The following SEMA4D variants were observed in gnomAD, a reference collection of about 807,000 sequenced individuals.
SEMA4D encodes semaphorin 4D, also known as semaphorin-4D.
In SEMA4D, 22 loss-of-function variants were observed where a neutral mutation model predicts 74.8. That is an observed-to-expected ratio of 0.29 (90% CI 0.21 to 0.42). SEMA4D has a LOEUF of 0.42. Ranked by LOEUF, SEMA4D falls within the 10% of genes least tolerant of loss-of-function variation. The pLI is 1.00. For missense variants in SEMA4D, 937 were observed against 1,118.4 expected (o/e 0.84, Z 2.31); for synonymous variants, 445 against 463.7 (o/e 0.96, Z 0.52).
At position 89,484,841 on chromosome 9, in the gene SEMA4D, G is replaced by A. The variant is rs1262911408; in HGVS notation, c.-310+13078C>T. Among the ~76,000 whole-genome samples the A allele has an allele frequency of 6.6e-6, 1 of 151,240 alleles. No individual in the cohort carries two copies. Among genetic ancestry groups the A allele is most frequent in the Non-Finnish European group, 1.5e-5 (1 of 67,740 alleles). On this transcript the variant is annotated intron_variant, in intron 1 of 15. Coordinates refer to ENST00000422704, the MANE Select transcript of SEMA4D (RefSeq NM_001371194.2). The surrounding 1 kb of genome is among the most constrained non-coding windows in gnomAD (Gnocchi z 4.1). ...GTGGTGTGTGGATGTATTGTGTGGT[G>A]TGTGTGTAATGTGTGTATACTGGGT...
In SEMA4D at chr9:89,381,165, G is replaced by A. The variant is rs1339342051; in HGVS notation, c.1619+9C>T. On this transcript the variant is annotated intron_variant, in intron 14 of 15. Coordinates refer to ENST00000422704, the MANE Select transcript of SEMA4D (RefSeq NM_001371194.2). The surrounding 1 kb of genome is among the most constrained non-coding windows in gnomAD (Gnocchi z 4.6). ...GGGACATCCCCAGGCAGCGCATCCC[G>A]CCCCATACCTGCTGGGGCTCTCGGT... is the stretch of plus-strand genomic sequence containing the variant. 6.8e-6 allele frequency: 11 copies of A among 1,613,846 alleles called. No homozygotes were observed. The highest frequency in any genetic ancestry group is 1.3e-5 in the African/African-American group (1 of 74,924).
At chr9:89,439,889 C>A (rs757696334) in intron 2 of SEMA4D, among the ~76,000 whole-genome samples, 13 of 152,230 alleles carry the variant, frequency 8.5e-5, no homozygotes, top group Admixed American at 1.3e-4. Flanking sequence ...CTCACCGCAT[C>A]TTAGTGTCAA....
chr9:89,425,529 A>C (rs1375735760), intron 2 of SEMA4D, among the ~76,000 whole-genome samples: 1 of 152,194 alleles, frequency 6.6e-6, no homozygotes. Flanking sequence ...TCCCATGTTC[A>C]TAGCTCCCTG....
downstream of SEMA4D, among the ~76,000 whole-genome samples, chr9:89,373,620 C>T (rs1334617306): frequency 6.6e-6 from 1 of 152,186 alleles, no homozygotes; most frequent in Non-Finnish European, 1.5e-5. Flanking sequence ...CTTTGCTAGC[C>T]CTTTAATCAG....
chr9:89,435,374 C>T (rs2134838372), intron 2 of SEMA4D, among the ~76,000 whole-genome samples: 1 of 152,314 alleles, frequency 6.6e-6, no homozygotes, highest in Middle Eastern at 3.4e-3. Context: ...ATTCACAGCC[C>T]CCATTCCTAT....
chr9:89,474,540 T>C (rs1861289338), intron 1 of SEMA4D, among the ~76,000 whole-genome samples: 1 of 152,236 alleles, frequency 6.6e-6, no homozygotes, highest in Non-Finnish European at 1.5e-5. Flanking sequence ...AAAACTCACC[T>C]GCAGAACTCC....
chr9:89,373,437 C>A (rs1416458546), downstream of SEMA4D, among the ~76,000 whole-genome samples: 1 of 152,174 alleles, frequency 6.6e-6, no homozygotes, highest in African/African-American at 2.4e-5. Context: ...CTGGGGCAGA[C>A]CCAGTCCCCA....
intron 2 of SEMA4D, among the ~76,000 whole-genome samples, chr9:89,426,097 C>A (rs549350464): frequency 6.2e-4 from 95 of 152,314 alleles, no homozygotes; most frequent in African/African-American, 2.0e-3. Context: ...GCAGGGGGAG[C>A]GCATGCAGTT....
intron 12 of SEMA4D, among the ~76,000 whole-genome samples, chr9:89,386,995 C>G (rs547397763): frequency 8.5e-5 from 13 of 152,370 alleles, no homozygotes; most frequent in African/African-American, 3.1e-4. Context: ...CCTGGCTCCT[C>G]GGCCAGGAAG....
intron 1 of SEMA4D, among the ~76,000 whole-genome samples, chr9:89,467,074 C>G (rs1238067511): frequency 6.6e-6 from 1 of 152,192 alleles, no homozygotes; most frequent in Admixed American, 6.5e-5. Context: ...GGGGGTTGTC[C>G]CCCTTGTTGT....
intron 2 of SEMA4D, among the ~76,000 whole-genome samples, chr9:89,413,592 TATGTCTGC>T (rs1025584544): frequency 6.6e-6 from 1 of 152,266 alleles, no homozygotes; most frequent in Non-Finnish European, 1.5e-5. Context: ...TGTACATGTG[TATGTCTGC>T]ATGTCTGCAC....
At chr9:89,372,623 C>T (rs1055831869), downstream of SEMA4D, among the ~76,000 whole-genome samples, 6 of 152,004 alleles carry the variant, frequency 3.9e-5, no homozygotes, top group Admixed American at 1.3e-4. Flanking sequence ...CAGTCGGCCA[C>T]TCCCAGCTGC....
intron 2 of SEMA4D, among the ~76,000 whole-genome samples, chr9:89,443,433 T>C (rs543620917): frequency 5.3e-5 from 8 of 152,160 alleles, no homozygotes; most frequent in African/African-American, 1.9e-4. Flanking sequence ...TGTACCACGG[T>C]CCTGTTGTCC....
At chr9:89,468,276 A>C (rs950950310) in intron 1 of SEMA4D, among the ~76,000 whole-genome samples, 57 of 152,354 alleles carry the variant, frequency 3.7e-4, no homozygotes, top group African/African-American at 1.3e-3. Context: ...TTTTTAATTA[A>C]GTGAAGCAAA....
intron 1 of SEMA4D, among the ~76,000 whole-genome samples, chr9:89,479,284 G>A (rs1213178583): frequency 6.6e-6 from 1 of 152,186 alleles, no homozygotes; most frequent in Non-Finnish European, 1.5e-5. Context: ...ACAGCAAGGG[G>A]ACAGACACCC....
intron 1 of SEMA4D, among the ~76,000 whole-genome samples, chr9:89,481,786 T>G (rs1398257588): frequency 6.6e-6 from 1 of 151,810 alleles, no homozygotes. Flanking sequence ...AGCTGGGGAG[T>G]GGTGAGCAGG....
chr9:89,457,545 T>C (rs1403567695), intron 1 of SEMA4D, among the ~76,000 whole-genome samples: 1 of 151,472 alleles, frequency 6.6e-6, no homozygotes, highest in Non-Finnish European at 1.5e-5. Context: ...AAGACCAGCC[T>C]GGACAACACA....
intron 2 of SEMA4D, among the ~76,000 whole-genome samples, chr9:89,443,546 G>A (rs1852152186): frequency 2.0e-5 from 3 of 152,232 alleles, no homozygotes; most frequent in Admixed American, 2.0e-4. Context: ...AAGCAGGTCC[G>A]GCCAGCAGCA....
chr9:89,430,699 G>C (rs901664222), intron 2 of SEMA4D, among the ~76,000 whole-genome samples: 2 of 152,228 alleles, frequency 1.3e-5, no homozygotes, highest in Non-Finnish European at 2.9e-5. Flanking sequence ...CAGATGGGCC[G>C]AGCGTGGTGG....
Sources: allele counts gnomAD v4.1 joint callset (sites outside exome capture counted in the v4.1 genomes callset), GRCh38; gene constraint gnomAD v4.1.1; non-coding constraint Gnocchi (gnomAD v3.1); transcripts MANE v1.5; gene names NCBI Gene and HGNC (gene_info 2026-07-23, HGNC 2026-07-21).